Variants in LMNTD1 observed in about 807,000 individuals in gnomAD.
LMNTD1 encodes lamin tail domain-containing protein 1.
LMNTD1 carries 35 observed loss-of-function variants against 50.9 expected under a neutral mutation model. The ratio of observed to expected loss-of-function variants is 0.69; its 90% CI spans 0.53 to 0.91. The LOEUF is 0.91. Among genes scored for constraint, LMNTD1 ranks in the 40% least tolerant of loss-of-function variants. LMNTD1 has a pLI of 0.00. For synonymous variants in LMNTD1, 153 were observed against 161.9 expected (o/e 0.94, Z 0.42); for missense variants, 470 against 475.5 (o/e 0.99, Z 0.11).
rs564263552 is a variant in LMNTD1, at chr12:25,599,111, C to T, written c.58+49383G>A. On this transcript the variant is annotated intron_variant, in intron 1 of 7. Coordinates refer to the LMNTD1 transcript ENST00000445693. ...TCAACAATACATTTAAAAGATCATT[C>T]ATCATAACCAAGTGGGATTTATCCC... Among the ~76,000 whole-genome samples, 9 of 152,078 alleles carry T rather than the reference C, an allele frequency of 5.9e-5. No individual in the cohort carries two copies. In the East Asian group the frequency reaches 1.5e-3, roughly 26 times the overall value.
intron 1 of LMNTD1, among the ~76,000 whole-genome samples, chr12:25,647,426 G>T (rs1947097704): frequency 6.6e-6 from 1 of 152,180 alleles, no homozygotes; most frequent in African/African-American, 2.4e-5. Flanking sequence ...GGGGGCAGAG[G>T]TTGCAGTGAG....
At chr12:25,492,522 A>T (rs1565938969) in intron 9 of LMNTD1, among the ~76,000 whole-genome samples, 1 of 152,228 alleles carries the variant, frequency 6.6e-6, no homozygotes, top group Non-Finnish European at 1.5e-5. Flanking sequence ...GAATTTTAAG[A>T]AGTCTATGCT....
intron 3 of LMNTD1, among the ~76,000 whole-genome samples, chr12:25,547,979 T>A (rs562080080): frequency 1.3e-5 from 2 of 151,906 alleles, no homozygotes; most frequent in East Asian, 1.9e-4. Context: ...TTTTGCCCCA[T>A]TACAAGGAGC....
At chr12:25,601,845 ATTTTGATAC>A (rs1219872189) in intron 1 of LMNTD1, among the ~76,000 whole-genome samples, 1 of 151,806 alleles carries the variant, frequency 6.6e-6, no homozygotes, top group African/African-American at 2.4e-5. Flanking sequence ...TACATTTGGT[ATTTTGATAC>A]CTGTATGTGT....
intron 1 of LMNTD1, among the ~76,000 whole-genome samples, chr12:25,608,317 A>T (rs1391660981): frequency 6.6e-6 from 1 of 152,188 alleles, no homozygotes; most frequent in Non-Finnish European, 1.5e-5. Flanking sequence ...TAATTGGGGC[A>T]TTTAGCCCAT....
At chr12:25,625,957 GTTAT>G (rs1191354182) in intron 1 of LMNTD1, among the ~76,000 whole-genome samples, 1 of 152,184 alleles carries the variant, frequency 6.6e-6, no homozygotes, top group Admixed American at 6.5e-5. Flanking sequence ...TCACAAATCG[GTTAT>G]TTCTTTTGTG....
chr12:25,490,463 G>C (rs1028670866), intron 9 of LMNTD1, among the ~76,000 whole-genome samples: 7 of 152,076 alleles, frequency 4.6e-5, no homozygotes, highest in Non-Finnish European at 1.0e-4. Flanking sequence ...TATCTAGGTG[G>C]AATGGATCAT....
rs1943448275 is a variant in LMNTD1 at position 25,546,560 on chromosome 12, A to C, written c.311-6T>G. On this transcript the variant is annotated splice_region_variant and splice_polypyrimidine_tract_variant and intron_variant, in intron 3 of 9. Coordinates refer to ENST00000458174, the MANE Select transcript of LMNTD1 (RefSeq NM_001145728.2). ...AACTGAGAAGGGGCTGGCATCTTTC[A>C]AGTAGACAGAAGAAAGAAGTAACCA... The C allele has an allele frequency of 6.7e-7, 1 of 1,494,548 alleles. No homozygotes were observed. Among genetic ancestry groups the C allele is most frequent in the Admixed American group, 2.2e-5 (1 of 45,268 alleles). The allele number at this position is 1,494,548 out of a possible 1,614,324, so 92.6% of individuals were successfully genotyped here.
At chr12:25,631,159 G>A (rs1255443294) in intron 1 of LMNTD1, among the ~76,000 whole-genome samples, 3 of 151,992 alleles carry the variant, frequency 2.0e-5, no homozygotes, top group African/African-American at 7.3e-5. Context: ...AGGAGACTCT[G>A]AGCTCAGACA....
intron 1 of LMNTD1, among the ~76,000 whole-genome samples, chr12:25,648,137 A>C (rs891747659): frequency 6.6e-6 from 1 of 152,226 alleles, no homozygotes; most frequent in Non-Finnish European, 1.5e-5. Flanking sequence ...AACAATGAAA[A>C]TCACTGAAAA....
At chr12:25,588,545 A>G (rs1945607305) in intron 1 of LMNTD1, among the ~76,000 whole-genome samples, 1 of 152,166 alleles carries the variant, frequency 6.6e-6, no homozygotes, top group South Asian at 2.1e-4. Flanking sequence ...TATATTGTTC[A>G]GGGATGCATA....
chr12:25,511,178 T>C (rs1940261678), intron 8 of LMNTD1, among the ~76,000 whole-genome samples: 1 of 152,034 alleles, frequency 6.6e-6, no homozygotes, highest in South Asian at 2.1e-4. Flanking sequence ...AGAAGGAGAA[T>C]GTGTGATGAG....
chr12:25,483,088 T>C (rs910489564), intron 9 of LMNTD1, among the ~76,000 whole-genome samples: 13 of 151,938 alleles, frequency 8.6e-5, no homozygotes, highest in Middle Eastern at 6.3e-3. Context: ...ACACAACCCT[T>C]AAAAATTAAG....
intron 1 of LMNTD1, among the ~76,000 whole-genome samples, chr12:25,583,472 T>C (rs535177741): frequency 1.3e-5 from 2 of 152,290 alleles, no homozygotes; most frequent in East Asian, 1.9e-4. Context: ...GCCAAAAATA[T>C]CTTTAGACAA....
intron 2 of LMNTD1, among the ~76,000 whole-genome samples, chr12:25,550,200 C>T (rs1314357265): frequency 4.9e-5 from 3 of 61,644 alleles, no homozygotes; most frequent in Non-Finnish European, 1.4e-4. Context: ...TTACTATGAA[C>T]AAAGATTTCC....
rs1038479886 is a variant in LMNTD1 at position 25,598,512 on chromosome 12, C to A, written c.58+49982G>T. Among the ~76,000 whole-genome samples the A allele has an allele frequency of 5.3e-5, 8 of 151,468 alleles. No homozygotes were observed. In the East Asian group the frequency reaches 1.4e-3, roughly 26 times the overall value. On this transcript the variant is annotated intron_variant, in intron 1 of 7. Transcript: ENST00000445693. ...AGAAAAGAAATAATAAAGATCAGAG[C>A]AGAAACAAATAAAATTGAAATGAAA...
intron 1 of LMNTD1, among the ~76,000 whole-genome samples, chr12:25,605,076 A>G (rs1445104507): frequency 1.3e-5 from 2 of 151,994 alleles, no homozygotes; most frequent in African/African-American, 4.8e-5. Context: ...TGTGGTTTTG[A>G]TTTGCATTTC....
intron 9 of LMNTD1, among the ~76,000 whole-genome samples, chr12:25,479,891 G>A (rs1370677158): frequency 1.3e-5 from 2 of 152,118 alleles, no homozygotes; most frequent in Middle Eastern, 6.3e-3. Context: ...GGCAAATTGG[G>A]CACTCAGCAG....
At chr12:25,581,072 G>C (rs1052460383) in intron 1 of LMNTD1, among the ~76,000 whole-genome samples, 4 of 152,174 alleles carry the variant, frequency 2.6e-5, no homozygotes, top group Admixed American at 6.5e-5. Flanking sequence ...AATCAAAAGA[G>C]AGGAGGAAAA....
Sources: gnomAD v4.1 joint callset for allele counts (sites outside exome capture counted in the v4.1 genomes callset) on GRCh38, gnomAD v4.1.1 for gene constraint, MANE v1.5 for transcripts, NCBI Gene and HGNC (gene_info 2026-07-23, HGNC 2026-07-21) for gene names.